The following PDZRN4 variants were observed in gnomAD, a reference collection of about 807,000 sequenced individuals.
PDZRN4 encodes PDZ domain containing ring finger 4.
PDZRN4 carries 70 observed loss-of-function variants against 99.0 expected under a neutral mutation model. The observed-to-expected ratio is 0.71, with a 90% confidence interval of 0.58 to 0.86. The LOEUF is 0.86. Among genes scored for constraint, PDZRN4 ranks in the 40% least tolerant of loss-of-function variants. PDZRN4 has a pLI of 0.00. For missense variants in PDZRN4, 1,474 were observed against 1,331.2 expected (o/e 1.11, Z -1.67); for synonymous variants, 551 against 501.6 (o/e 1.10, Z -1.32).
In PDZRN4 at chr12:41,509,905, G is replaced by T; in HGVS notation, c.1195G>T (p.Glu399Ter). 6.6e-7 allele frequency: 1 copy of T among 1,525,576 alleles called. No individual in the cohort carries two copies. Among genetic ancestry groups the T allele is most frequent in the South Asian group, 1.1e-5 (1 of 87,206 alleles). 94.5% of individuals were successfully genotyped at this position (1,525,576 alleles called of 1,614,324 possible). A position where few individuals can be genotyped will look rare whatever the true frequency, so the allele number is the denominator to read the frequency against. ...TGATGCAGACAGAACAGAAGACTTTGAATATGAGGTAAGGTCATTTTCATA... is the reference window on the plus strand; with the variant it reads ...TGATGCAGACAGAACAGAAGACTTTTAATATGAGGTAAGGTCATTTTCATA... ...PADADRTEDF[E>*]YEEVELCRVS... Residue 399 changes from glutamate (E) to a stop codon, truncating the protein, a stop_gained, in exon 5 of 10, where the codon GAA (glutamate) becomes TAA (stop). Transcript: ENST00000402685. LOFTEE classifies it high-confidence loss of function.
chr12:41,495,621 C>T (rs1209392257), intron 3 of PDZRN4, among the ~76,000 whole-genome samples: 3 of 152,050 alleles, frequency 2.0e-5, no homozygotes, highest in African/African-American at 7.2e-5. Context: ...TATGTCTCAC[C>T]ACAGCCTTCC....
intron 5 of PDZRN4, among the ~76,000 whole-genome samples, chr12:41,545,401 T>C (rs1260834911): frequency 1.3e-5 from 2 of 152,144 alleles, no homozygotes; most frequent in Non-Finnish European, 2.9e-5. Context: ...CAAGACTAAT[T>C]TTATGATCTC....
At chr12:41,393,251 T>C (rs567056357) in intron 3 of PDZRN4, among the ~76,000 whole-genome samples, 3 of 152,352 alleles carry the variant, frequency 2.0e-5, no homozygotes, top group African/African-American at 7.2e-5. Flanking sequence ...AACAATAATT[T>C]TCCTTTTCAT....
chr12:41,490,045 G>C (rs1937853458), intron 3 of PDZRN4, among the ~76,000 whole-genome samples: 9 of 151,630 alleles, frequency 5.9e-5, no homozygotes, highest in Admixed American at 5.9e-4. Context: ...TTTACCACTT[G>C]TTGTGTGACC....
intron 3 of PDZRN4, among the ~76,000 whole-genome samples, chr12:41,311,763 T>G (rs1479435209): frequency 1.3e-5 from 2 of 152,212 alleles, no homozygotes; most frequent in African/African-American, 2.4e-5. Flanking sequence ...TACATTTATA[T>G]CAGGTGTAAA....
chr12:41,442,394 C>T lies in PDZRN4; in HGVS notation c.844-64062C>T, dbSNP rs1005950925. Reference sequence around the variant, plus strand: ...TAAAAAAATTAATCTCTCCCACCTTCGGACTCCTTTTCATGTTTGCCTGCC... The same window carrying T: ...TAAAAAAATTAATCTCTCCCACCTTTGGACTCCTTTTCATGTTTGCCTGCC... On this transcript the variant is annotated intron_variant, in intron 3 of 9. Transcript: ENST00000402685. 1.2e-4 allele frequency among the ~76,000 whole-genome samples: 19 copies of T among 152,164 alleles called. No homozygotes were observed. The East Asian group carries it at 1.7e-3, about 14-fold the overall frequency.
chr12:41,276,792 C>T (rs1201887606), intron 3 of PDZRN4, among the ~76,000 whole-genome samples: 1 of 152,102 alleles, frequency 6.6e-6, no homozygotes, highest in Admixed American at 6.6e-5. Context: ...AAGCAAAGTG[C>T]CAGGCAGGAA....
chr12:41,256,913 G>A (rs756552397), intron 3 of PDZRN4, among the ~76,000 whole-genome samples: 9 of 152,000 alleles, frequency 5.9e-5, no homozygotes, highest in Non-Finnish European at 8.8e-5. Flanking sequence ...TTGCTTATAC[G>A]TATCACCATA....
chr12:41,240,433 G>A (rs928428692), intron 3 of PDZRN4, among the ~76,000 whole-genome samples: 1 of 152,180 alleles, frequency 6.6e-6, no homozygotes, highest in African/African-American at 2.4e-5. Flanking sequence ...TTTTAGAGGT[G>A]CATCTACTAG....
chr12:41,281,991 C>T (rs1466777475), intron 3 of PDZRN4, among the ~76,000 whole-genome samples: 2 of 152,154 alleles, frequency 1.3e-5, no homozygotes, highest in Non-Finnish European at 2.9e-5. Flanking sequence ...CAGCTAACAT[C>T]ATAATGACAG....
intron 3 of PDZRN4, among the ~76,000 whole-genome samples, chr12:41,452,251 A>G (rs1231498509): frequency 6.7e-6 from 1 of 149,390 alleles, no homozygotes; most frequent in African/African-American, 2.5e-5. Context: ...AACACGGTGA[A>G]ACCCTGTCTC....
chr12:41,538,309 A>G (rs1166271200), intron 5 of PDZRN4, among the ~76,000 whole-genome samples: 1 of 152,194 alleles, frequency 6.6e-6, no homozygotes, highest in African/African-American at 2.4e-5. Context: ...TATGTTTTAC[A>G]AATTTGTGAT....
At chr12:41,480,534 C>T (rs908783151) in intron 3 of PDZRN4, among the ~76,000 whole-genome samples, 1 of 152,020 alleles carries the variant, frequency 6.6e-6, no homozygotes, top group African/African-American at 2.4e-5. Context: ...ATCCCAAATG[C>T]CTGGTGGGAC....
Position 41,230,458 on chromosome 12 carries a change from CCAAT to C in PDZRN4, c.843+36274_843+36277del, listed in dbSNP as rs761481685. On this transcript the variant is annotated intron_variant, in intron 3 of 9. Coordinates refer to ENST00000402685, the MANE Select transcript of PDZRN4 (RefSeq NM_001164595.2). ...AAATACAAAACAAAAATCATGCCAC[CCAAT>C]CAAAGGTCATATTTGTGATTTCTAG... is the stretch of plus-strand genomic sequence containing the variant. Among the ~76,000 whole-genome samples, 27 of 151,956 alleles carry C rather than the reference CCAAT, an allele frequency of 1.8e-4. No homozygotes were observed. The East Asian group carries it at 2.5e-3, about 14-fold the overall frequency.
intron 3 of PDZRN4, among the ~76,000 whole-genome samples, chr12:41,414,975 C>T (rs1014781435): frequency 2.6e-5 from 4 of 152,132 alleles, no homozygotes; most frequent in Non-Finnish European, 4.4e-5. Flanking sequence ...TGAAAATGAG[C>T]AGTATGAGCT....
At chr12:41,423,729 T>A (rs958190249) in intron 3 of PDZRN4, among the ~76,000 whole-genome samples, 1 of 152,184 alleles carries the variant, frequency 6.6e-6, no homozygotes, top group Admixed American at 6.6e-5. Flanking sequence ...AAAGTTGATG[T>A]GAATTTGCCA....
chr12:41,313,973 A>G (rs1156723345), intron 3 of PDZRN4, among the ~76,000 whole-genome samples: 1 of 152,166 alleles, frequency 6.6e-6, no homozygotes, highest in Non-Finnish European at 1.5e-5. Flanking sequence ...TTTTGTCTTT[A>G]TATCAGAAGA....
chr12:41,387,065 G>A (rs1250627151), intron 3 of PDZRN4, among the ~76,000 whole-genome samples: 1 of 152,132 alleles, frequency 6.6e-6, no homozygotes, highest in African/African-American at 2.4e-5. Context: ...CACGAGCAAT[G>A]ATTTTATGAT....
chr12:41,313,406 CCTA>C (rs1265804089), intron 3 of PDZRN4, among the ~76,000 whole-genome samples: 1 of 152,164 alleles, frequency 6.6e-6, no homozygotes, highest in East Asian at 1.9e-4. Flanking sequence ...GAGCAATGTT[CCTA>C]CTAACAAGTT....
Sources: gnomAD v4.1 joint callset for allele counts (sites outside exome capture counted in the v4.1 genomes callset) on GRCh38, gnomAD v4.1.1 for gene constraint, MANE v1.5 for transcripts, NCBI Gene and HGNC (gene_info 2026-07-23, HGNC 2026-07-21) for gene names.